AGAP1: variants seen among roughly 807,000 people sequenced by gnomAD.
The protein encoded by AGAP1 is ArfGAP with GTPase domain, ankyrin repeat and PH domain 1.
AGAP1 carries 29 observed loss-of-function variants against 105.3 expected under a neutral mutation model. The observed-to-expected ratio is 0.28, with a 90% CI of 0.21 to 0.38. The LOEUF (loss-of-function observed/expected upper bound fraction) is 0.38, where lower values mean the gene tolerates loss of function less well. AGAP1 is among the 10% of genes least tolerant of loss of function. The probability of loss-of-function intolerance (pLI) is 1.00; values close to 1 mark genes in which losing one functional copy is unlikely to be tolerated. For synonymous variants in AGAP1, 509 were observed against 485.9 expected, an observed-to-expected ratio of 1.05 and a Z score of -0.63; for missense variants, 998 against 1,165.1, an observed-to-expected ratio of 0.86 and a Z score of 2.09.
intron 1 of AGAP1, among the ~76,000 whole-genome samples, chr2:235,580,380 G>A (rs1271750605): frequency 2.0e-5 from 3 of 151,906 alleles, no homozygotes; most frequent in Non-Finnish European, 2.9e-5. Context: ...ACATTTTGTC[G>A]GGTTGATTTC....
intron 12 of AGAP1, 144 bp from the exon 13 acceptor site, chr2:235,968,318 C>A: frequency 1.8e-6 from 2 of 1,135,136 alleles, no homozygotes; most frequent in Non-Finnish European, 2.4e-6. Context: ...AGGCCTCCAA[C>A]TCAGCAATAC....
intron 7 of AGAP1, among the ~76,000 whole-genome samples, chr2:235,798,989 C>A (rs1327844536): frequency 6.6e-6 from 1 of 151,706 alleles, no homozygotes; most frequent in Non-Finnish European, 1.5e-5. Flanking sequence ...ATAATGTTGG[C>A]TGTGGTTCTG....
intron 12 of AGAP1, among the ~76,000 whole-genome samples, chr2:235,938,313 G>T (rs528542765): frequency 6.6e-6 from 1 of 152,340 alleles, no homozygotes; most frequent in East Asian, 1.9e-4. Context: ...GGTGGTCAAG[G>T]CTAGATTCAA....
Position 235,977,714 on chromosome 2 carries a change from G to T in AGAP1, c.1645+9091G>T, listed in dbSNP as rs367787265. 2.0e-5 allele frequency among the ~76,000 whole-genome samples: 3 copies of T among 152,258 alleles called. No individual in the cohort carries two copies. In the South Asian group the frequency reaches 6.2e-4, roughly 32 times the overall value. ...AACTAGGCAGTGTTTTATCTCACAG[G>T]CAGTGGCGACTTCATTCCTCTTTCT... is the stretch of plus-strand genomic sequence containing the variant. On this transcript the variant is annotated intron_variant, in intron 13 of 17. Coordinates refer to ENST00000304032, the MANE Select transcript of AGAP1 (RefSeq NM_001037131.3). The surrounding 1 kb of genome is among the most constrained non-coding windows in gnomAD (Gnocchi z 5.2).
intron 6 of AGAP1, among the ~76,000 whole-genome samples, chr2:235,786,113 C>T (rs567703036): frequency 6.6e-6 from 1 of 152,288 alleles, no homozygotes; most frequent in South Asian, 2.1e-4. Flanking sequence ...TCTTTCCCTT[C>T]TTTGTTTAAG....
At chr2:235,826,750 T>C (rs893640821) in intron 9 of AGAP1, among the ~76,000 whole-genome samples, 11 of 152,150 alleles carry the variant, frequency 7.2e-5, no homozygotes, top group Admixed American at 3.9e-4. Context: ...CTTCCCCATA[T>C]CTTTTTAAAA....
In AGAP1 at chr2:235,860,313, G is replaced by A. The variant is rs114527566; in HGVS notation, c.1051-23032G>A. Among the ~76,000 whole-genome samples the A allele has an allele frequency of 7.7e-3, 1,164 of 152,148 alleles. 14 individuals are homozygous for A. The highest frequency in any genetic ancestry group is 0.027 in the African/African-American group (1,106 of 41,480). On this transcript the variant is annotated intron_variant, in intron 9 of 17. Coordinates refer to ENST00000304032, the MANE Select transcript of AGAP1 (RefSeq NM_001037131.3). The stretch of plus-strand genomic sequence containing the variant: ...TGGAAGTCATTACGTAAGTGCGTTC[G>A]GTATTTCCTTTAACTGTTCTAACTT...
rs909445130 is a variant in AGAP1 at position 235,741,467 on chromosome 2, T to C, written c.396+419T>C. On this transcript the variant is annotated intron_variant, in intron 4 of 17. Coordinates refer to ENST00000304032, the MANE Select transcript of AGAP1 (RefSeq NM_001037131.3). The surrounding 1 kb of genome is among the most constrained non-coding windows in gnomAD (Gnocchi z 4.9). ...AATTGGGAGTCCCACCTTCTCTCTGTCTCTGGTAACTACAGGCATTGGCCC... is the reference window on the plus strand; with the variant it reads ...AATTGGGAGTCCCACCTTCTCTCTGCCTCTGGTAACTACAGGCATTGGCCC... Among the ~76,000 whole-genome samples, 1 of 152,200 alleles carries C rather than the reference T, an allele frequency of 6.6e-6. No individual in the cohort carries two copies. The highest frequency in any genetic ancestry group is 2.4e-5 in the African/African-American group (1 of 41,468).
rs72985093 is a variant in AGAP1, at chr2:235,893,049, A to G, written c.1155+9600A>G. ...ATCTTGCTTTCTTGGTCATAAGCTA[A>G]GGTGCTTGGAGCTGTCCTTTGGCCT... On this transcript the variant is annotated intron_variant, in intron 10 of 17. Transcript: ENST00000304032. This position sits in a 1 kb window ranked among gnomAD's most constrained non-coding sequence, Gnocchi z 4.7. 6.6e-6 allele frequency among the ~76,000 whole-genome samples: 1 copy of G among 152,314 alleles called. No homozygotes were observed. The highest frequency in any genetic ancestry group is 1.5e-5 in the Non-Finnish European group (1 of 68,026).
chr2:235,510,149 A>G (rs757331203), intron 1 of AGAP1, among the ~76,000 whole-genome samples: 50 of 152,320 alleles, frequency 3.3e-4, no homozygotes, highest in Admixed American at 6.5e-4. Context: ...TTCATTATAT[A>G]TTACAATGCA....
intron 9 of AGAP1, among the ~76,000 whole-genome samples, chr2:235,836,276 A>G (rs957884367): frequency 6.6e-6 from 1 of 152,236 alleles, no homozygotes; most frequent in African/African-American, 2.4e-5. Context: ...ATTCTTTGGT[A>G]AAGGTACAGC....
intron 15 of AGAP1, among the ~76,000 whole-genome samples, chr2:236,048,535 C>T (rs2057794092): frequency 6.6e-6 from 1 of 152,188 alleles, no homozygotes; most frequent in African/African-American, 2.4e-5. Context: ...TAGTGTACCT[C>T]TCTCTCATCT....
Position 235,951,048 on chromosome 2 carries a change from CAT to C in AGAP1, c.1484-17412_1484-17411del, listed in dbSNP as rs925835853. ...TATCTAATAGTAATGGTGAATTACT[CAT>C]AGTTTTCTGCTGGAAGTAAATTTAA... On this transcript the variant is annotated intron_variant, in intron 12 of 17. Transcript: ENST00000304032. The surrounding 1 kb of genome is among the most constrained non-coding windows in gnomAD (Gnocchi z 4.2). Among the ~76,000 whole-genome samples, 2 of 151,992 alleles carry C rather than the reference CAT, an allele frequency of 1.3e-5. No homozygotes were observed. Among genetic ancestry groups the C allele is most frequent in the Non-Finnish European group, 1.5e-5 (1 of 67,990 alleles).
intron 1 of AGAP1, among the ~76,000 whole-genome samples, chr2:235,677,430 T>G (rs1423909117): frequency 3.9e-5 from 6 of 152,128 alleles, no homozygotes. Context: ...TGAGGTGCAT[T>G]TTGGTCTGTG....
chr2:235,554,190 C>G (rs1212855532), intron 1 of AGAP1, among the ~76,000 whole-genome samples: 1 of 152,266 alleles, frequency 6.6e-6, no homozygotes, highest in Non-Finnish European at 1.5e-5. Flanking sequence ...ATTAGGAACT[C>G]TGATCTTGAG....
rs1329131854 is a variant in AGAP1 at position 235,767,749 on chromosome 2, C to T, written c.673+17261C>T. On this transcript the variant is annotated intron_variant, in intron 6 of 17. Transcript: ENST00000304032. ...TGGGATTGTAATGTATACCATTTATCTTGGTATAGAATCTTCCAGTTTCTT... is the reference window on the plus strand; with the variant it reads ...TGGGATTGTAATGTATACCATTTATTTTGGTATAGAATCTTCCAGTTTCTT... 3.2e-5 allele frequency among the ~76,000 whole-genome samples: 4 copies of T among 126,478 alleles called. No individual in the cohort carries two copies. In the East Asian group the frequency reaches 6.7e-4, roughly 21 times the overall value. The allele number at this position is 126,478 out of a possible 152,430, so 83.0% of individuals were successfully genotyped here.
intron 1 of AGAP1, among the ~76,000 whole-genome samples, chr2:235,644,331 C>A (rs1385023456): frequency 6.6e-6 from 1 of 152,208 alleles, no homozygotes. Flanking sequence ...GTCCCGTTCA[C>A]TGTCATGTGG....
chr2:235,508,234 A>G (rs1941916744), intron 1 of AGAP1, among the ~76,000 whole-genome samples: 1 of 152,252 alleles, frequency 6.6e-6, no homozygotes, highest in Non-Finnish European at 1.5e-5. Flanking sequence ...ATAGTGCCAC[A>G]GTGAACACAC....
intron 11 of AGAP1, among the ~76,000 whole-genome samples, chr2:235,914,194 A>G (rs1416897353): frequency 1.3e-5 from 2 of 152,224 alleles, no homozygotes; most frequent in African/African-American, 2.4e-5. Context: ...TCTCTAGCAC[A>G]CAGTCATAAT....
Sources: allele counts gnomAD v4.1 joint callset (sites outside exome capture counted in the v4.1 genomes callset), GRCh38; gene constraint gnomAD v4.1.1; non-coding constraint Gnocchi (gnomAD v3.1); transcripts MANE v1.5; gene names NCBI Gene and HGNC (gene_info 2026-07-23, HGNC 2026-07-21).